The following SNTG1 variants were observed in gnomAD, a reference collection of about 807,000 sequenced individuals.
SNTG1 encodes the protein syntrophin gamma 1.
Under a neutral mutation model 74.7 loss-of-function variants are expected in SNTG1, and 39 were observed. The observed-to-expected ratio is 0.52, with a 90% CI of 0.40 to 0.68. The LOEUF is 0.68. Ranked by LOEUF, SNTG1 falls within the 30% of genes least tolerant of loss-of-function variation. SNTG1 has a pLI of 0.00. For synonymous variants in SNTG1, 254 were observed against 217.1 expected (o/e 1.17, Z -1.49); for missense variants, 685 against 609.5 (o/e 1.12, Z -1.30).
chr8:50,354,955 G>A (rs1238205344), intron 2 of SNTG1, among the ~76,000 whole-genome samples: 1 of 152,170 alleles, frequency 6.6e-6, no homozygotes, highest in African/African-American at 2.4e-5. Flanking sequence ...TTTCCTGAAA[G>A]CTGAAGGATA....
Position 50,794,047 on chromosome 8 carries a change from T to C in SNTG1, c.*1218T>C, listed in dbSNP as rs2095698626. ...ATTCCAGGTATTATTCAACTAGTTGTATAACATGGAACACAGTCTCTGTCC... is the reference window on the plus strand; with the variant it reads ...ATTCCAGGTATTATTCAACTAGTTGCATAACATGGAACACAGTCTCTGTCC... On this transcript the variant is annotated 3_prime_UTR_variant, in exon 19 of 19. Transcript: ENST00000642720. The C allele has an allele frequency of 6.6e-6, 1 of 151,708 alleles. No individual in the cohort carries two copies. Among genetic ancestry groups the C allele is most frequent in the South Asian group, 2.1e-4 (1 of 4,824 alleles). 9.4% of individuals were successfully genotyped at this position (151,708 alleles called of 1,614,324 possible). A position where few individuals can be genotyped will look rare whatever the true frequency, so the allele number is the denominator to read the frequency against.
At chr8:50,030,282 G>A (rs1318515791) in intron 1 of SNTG1, among the ~76,000 whole-genome samples, 1 of 151,796 alleles carries the variant, frequency 6.6e-6, no homozygotes, top group East Asian at 1.9e-4. Context: ...CAAATATTTT[G>A]TCCCATTCTG....
intron 9 of SNTG1, among the ~76,000 whole-genome samples, chr8:50,508,880 C>T (rs1025296951): frequency 6.6e-6 from 1 of 152,130 alleles, no homozygotes; most frequent in African/African-American, 2.4e-5. Context: ...TGCCTGTTCA[C>T]TCTGATGGTG....
chr8:49,964,056 A>G (rs1328612465), intron 1 of SNTG1, among the ~76,000 whole-genome samples: 1 of 152,228 alleles, frequency 6.6e-6, no homozygotes, highest in Non-Finnish European at 1.5e-5. Flanking sequence ...TGTTTATAGT[A>G]GGCACTCAGT....
chr8:50,381,835 A>ATATAATATATATATATT (rs1554509532), intron 2 of SNTG1: 11 of 131,068 alleles, frequency 8.4e-5, no homozygotes, highest in Admixed American at 3.2e-4. Context: ...ATATATATAT[A>ATATAATATATATATATT]TTATATATAT....
chr8:50,169,033 G>A (rs1423931013), intron 1 of SNTG1, among the ~76,000 whole-genome samples: 6 of 152,074 alleles, frequency 3.9e-5, no homozygotes, highest in South Asian at 2.1e-4. Context: ...TAAATAATAC[G>A]CCAGGCAGAG....
intron 2 of SNTG1, among the ~76,000 whole-genome samples, chr8:50,177,561 G>A (rs2083044929): frequency 6.6e-6 from 1 of 152,190 alleles, no homozygotes. Flanking sequence ...TTTGCTCAGA[G>A]AGGCTGGTTA....
chr8:50,779,965 T>C (rs1374938142), intron 18 of SNTG1, among the ~76,000 whole-genome samples: 1 of 152,068 alleles, frequency 6.6e-6, no homozygotes, highest in Non-Finnish European at 1.5e-5. Flanking sequence ...GATAATCATG[T>C]GGTTTTTGTC....
At position 50,751,995 on chromosome 8, in the gene SNTG1, C is replaced by T; in HGVS notation, c.1285-6C>T. The T allele has an allele frequency of 2.0e-6, 3 of 1,524,860 alleles. No homozygotes were observed. The highest frequency in any genetic ancestry group is 2.6e-5 in the East Asian group (1 of 39,124). The allele number at this position is 1,524,860 out of a possible 1,614,324, so 94.5% of individuals were successfully genotyped here. ...CGACTTACATTGTTTTTTTTCCCCC[C>T]TTTAGGCTGTCCTTTGGAGGTATAA... On this transcript the variant is annotated splice_region_variant and splice_polypyrimidine_tract_variant and intron_variant, in intron 17 of 18. Transcript: ENST00000642720.
intron 13 of SNTG1, among the ~76,000 whole-genome samples, chr8:50,599,992 C>T (rs540157604): frequency 2.0e-5 from 3 of 151,806 alleles, no homozygotes; most frequent in South Asian, 2.1e-4. Context: ...CTTGTATTCC[C>T]GGTATTTTTT....
intron 13 of SNTG1, among the ~76,000 whole-genome samples, chr8:50,605,377 C>T (rs1042554752): frequency 1.3e-5 from 2 of 152,140 alleles, no homozygotes; most frequent in African/African-American, 4.8e-5. Flanking sequence ...GATGCTGGAG[C>T]ATTTTAGACT....
At chr8:50,716,622 T>G (rs904532837) in intron 17 of SNTG1, among the ~76,000 whole-genome samples, 3 of 152,034 alleles carry the variant, frequency 2.0e-5, no homozygotes, top group Non-Finnish European at 4.4e-5. Flanking sequence ...AAGTAAATAT[T>G]CAAAAAAATT....
chr8:50,709,917 T>C (rs1286381417), intron 17 of SNTG1, among the ~76,000 whole-genome samples: 2 of 152,218 alleles, frequency 1.3e-5, no homozygotes, highest in African/African-American at 2.4e-5. Context: ...ATATTTTATC[T>C]AGAAATTAAG....
At chr8:50,503,639 G>A (rs142954915) in intron 9 of SNTG1, among the ~76,000 whole-genome samples, 147 of 152,106 alleles carry the variant, frequency 9.7e-4, no homozygotes, top group African/African-American at 2.8e-3. Flanking sequence ...TTATTCTGGC[G>A]TCTTTCATTA....
intron 1 of SNTG1, among the ~76,000 whole-genome samples, chr8:50,155,253 T>C (rs949857605): frequency 6.6e-6 from 1 of 152,046 alleles, no homozygotes; most frequent in Non-Finnish European, 1.5e-5. Flanking sequence ...GGATAGAGAG[T>C]ACAAAATTAG....
intron 1 of SNTG1, among the ~76,000 whole-genome samples, chr8:50,113,618 A>G (rs1379313706): frequency 6.6e-6 from 1 of 152,076 alleles, no homozygotes; most frequent in Non-Finnish European, 1.5e-5. Flanking sequence ...TTCCAACACT[A>G]TGTTGAATAG....
At chr8:50,751,071 A>G (rs574291330) in intron 17 of SNTG1, among the ~76,000 whole-genome samples, 1 of 152,202 alleles carries the variant, frequency 6.6e-6, no homozygotes, top group Non-Finnish European at 1.5e-5. Flanking sequence ...TTGTTGATCT[A>G]TTTAGAAACC....
At chr8:50,519,405 G>A (rs2094160919) in intron 9 of SNTG1, among the ~76,000 whole-genome samples, 1 of 152,124 alleles carries the variant, frequency 6.6e-6, no homozygotes, top group South Asian at 2.1e-4. Flanking sequence ...AGACAAGGAT[G>A]CCCTCTCTCA....
chr8:50,412,379 T>C (rs2092960520), intron 4 of SNTG1, among the ~76,000 whole-genome samples: 1 of 152,224 alleles, frequency 6.6e-6, no homozygotes, highest in Non-Finnish European at 1.5e-5. Flanking sequence ...TTCATAACTC[T>C]TTCTTTGACA....
Sources: gnomAD v4.1 joint callset for allele counts (sites outside exome capture counted in the v4.1 genomes callset) on GRCh38, gnomAD v4.1.1 for gene constraint, MANE v1.5 for transcripts, NCBI Gene and HGNC (gene_info 2026-07-23, HGNC 2026-07-21) for gene names.